GRID2: variants seen among roughly 807,000 people sequenced by gnomAD.
GRID2 encodes the protein glutamate receptor ionotropic, delta-2.
In GRID2, 33 loss-of-function variants were observed where a neutral mutation model predicts 114.8. The ratio of observed to expected loss-of-function variants is 0.29; its 90% confidence interval spans 0.22 to 0.38. The LOEUF is 0.38. Ranked by LOEUF, GRID2 falls within the 10% of genes least tolerant of loss-of-function variation. The pLI is 1.00. For missense variants in GRID2, 1,184 were observed against 1,257.7 expected, an observed-to-expected ratio of 0.94 and a Z score of 0.89; for synonymous variants, 505 against 449.9, an observed-to-expected ratio of 1.12 and a Z score of -1.55.
At chr4:93,292,379 T>G (rs1318451744) in intron 8 of GRID2, among the ~76,000 whole-genome samples, 1 of 152,080 alleles carries the variant, frequency 6.6e-6, no homozygotes, top group Non-Finnish European at 1.5e-5. Flanking sequence ...CAGGAGAAAT[T>G]TAGAGGTTTG....
chr4:92,585,379 A>G (rs1465571488), intron 1 of GRID2, among the ~76,000 whole-genome samples: 1 of 152,064 alleles, frequency 6.6e-6, no homozygotes, highest in Non-Finnish European at 1.5e-5. Flanking sequence ...AAGTGAGTAA[A>G]GAGATTAAAA....
chr4:92,316,758 A>G (rs775169756), intron 1 of GRID2, among the ~76,000 whole-genome samples: 10 of 152,168 alleles, frequency 6.6e-5, no homozygotes, highest in Non-Finnish European at 1.3e-4. Context: ...ATAGTAGCCT[A>G]AAGGTGCCAT....
At chr4:92,880,090 A>T (rs1479800435) in intron 2 of GRID2, among the ~76,000 whole-genome samples, 1 of 152,174 alleles carries the variant, frequency 6.6e-6, no homozygotes, top group Non-Finnish European at 1.5e-5. Context: ...CTAGGATGCA[A>T]ACAGGAAATC....
Position 93,649,595 on chromosome 4 carries a change from A to T in GRID2, c.2360+23160A>T, listed in dbSNP as rs183536438. Among the ~76,000 whole-genome samples, 115 of 152,304 alleles carry T rather than the reference A, an allele frequency of 7.6e-4. 1 individual carries two copies. Among genetic ancestry groups the T allele is most frequent in the Non-Finnish European group, 1.5e-3 (99 of 68,026 alleles). On this transcript the variant is annotated intron_variant, in intron 14 of 15. Coordinates refer to ENST00000282020, the MANE Select transcript of GRID2 (RefSeq NM_001510.4). The stretch of plus-strand genomic sequence containing the variant: ...CCCTGCATCACACCATAAAGTCTAT[A>T]GGTCTCTTGATAACTTAAAATCACA...
At chr4:93,007,292 T>C (rs1462635551) in intron 2 of GRID2, among the ~76,000 whole-genome samples, 2 of 152,070 alleles carry the variant, frequency 1.3e-5, no homozygotes, top group African/African-American at 4.8e-5. Context: ...AAGTCACATT[T>C]TGGTAATTCT....
chr4:92,999,894 CAGCT>C (rs1470957915), intron 2 of GRID2, among the ~76,000 whole-genome samples: 1 of 151,564 alleles, frequency 6.6e-6, no homozygotes, highest in African/African-American at 2.4e-5. Flanking sequence ...TTATTATTCT[CAGCT>C]AGATACGAAC....
chr4:92,646,090 C>G (rs1731603841), intron 2 of GRID2, among the ~76,000 whole-genome samples: 1 of 116,824 alleles, frequency 8.6e-6, no homozygotes, highest in South Asian at 2.9e-4. Context: ...TCGTACCACA[C>G]TCTTGGCATC....
chr4:93,456,942 A>G (rs182920403), intron 11 of GRID2, among the ~76,000 whole-genome samples: 3 of 152,202 alleles, frequency 2.0e-5, no homozygotes, highest in Non-Finnish European at 2.9e-5. Flanking sequence ...ACCCTTCCAT[A>G]TCCAGGGCTC....
intron 2 of GRID2, among the ~76,000 whole-genome samples, chr4:92,646,370 A>C (rs1161399603): frequency 6.6e-6 from 1 of 152,212 alleles, no homozygotes. Context: ...GTGTATTGTC[A>C]AATATATTAC....
intron 2 of GRID2, among the ~76,000 whole-genome samples, chr4:92,959,821 A>T (rs1752674718): frequency 1.3e-5 from 2 of 151,996 alleles, no homozygotes. Flanking sequence ...ACATGGACAC[A>T]GGGAGGGGAA....
At chr4:93,026,288 T>G (rs1454256359) in intron 2 of GRID2, among the ~76,000 whole-genome samples, 1 of 151,848 alleles carries the variant, frequency 6.6e-6, no homozygotes, top group Non-Finnish European at 1.5e-5. Context: ...TACATTGAGC[T>G]CATTATAAAA....
intron 13 of GRID2, among the ~76,000 whole-genome samples, chr4:93,622,932 T>A (rs987683293): frequency 2.6e-4 from 39 of 152,220 alleles, no homozygotes; most frequent in African/African-American, 9.4e-4. Flanking sequence ...AGTTTTTCTT[T>A]TCTTAAAACT....
At chr4:93,546,369 G>A (rs1733215871) in intron 13 of GRID2, among the ~76,000 whole-genome samples, 2 of 152,190 alleles carry the variant, frequency 1.3e-5, no homozygotes, top group South Asian at 4.1e-4. Context: ...ATTTGTGGAT[G>A]AGATACCCTG....
intron 4 of GRID2, among the ~76,000 whole-genome samples, chr4:93,180,746 T>C (rs2149435189): frequency 6.6e-6 from 1 of 152,304 alleles, no homozygotes; most frequent in South Asian, 2.1e-4. Flanking sequence ...CTTTTATTGC[T>C]CATTCACTAG....
At chr4:92,887,454 G>A (rs1304253076) in intron 2 of GRID2, among the ~76,000 whole-genome samples, 1 of 152,194 alleles carries the variant, frequency 6.6e-6, no homozygotes, top group East Asian at 1.9e-4. Flanking sequence ...TCTGGCCCCA[G>A]TACTTATGTG....
At chr4:93,398,296 G>A (rs67564772) in intron 9 of GRID2, among the ~76,000 whole-genome samples, 27,514 of 150,110 alleles carry the variant, frequency 0.18, 4,262 homozygotes, top group African/African-American at 0.43. Context: ...GCGATTCTAC[G>A]TGTGGTAACT....
At chr4:93,678,886 C>T (rs1252425924) in intron 14 of GRID2, among the ~76,000 whole-genome samples, 1 of 149,704 alleles carries the variant, frequency 6.7e-6, no homozygotes, top group African/African-American at 2.5e-5. Flanking sequence ...GCAAAATAAC[C>T]AGCTAACATC....
intron 8 of GRID2, among the ~76,000 whole-genome samples, chr4:93,281,195 G>T (rs1043284933): frequency 2.6e-5 from 4 of 151,844 alleles, no homozygotes; most frequent in African/African-American, 7.2e-5. Context: ...AGGCCTCAGA[G>T]AAAATATACA....
At chr4:92,366,830 G>A (rs553749042) in intron 1 of GRID2, among the ~76,000 whole-genome samples, 48 of 151,810 alleles carry the variant, frequency 3.2e-4, no homozygotes, top group African/African-American at 1.1e-3. Flanking sequence ...AATAAATGGG[G>A]GCATATCAAA....
Sources: allele counts gnomAD v4.1 joint callset (sites outside exome capture counted in the v4.1 genomes callset), GRCh38; gene constraint gnomAD v4.1.1; transcripts MANE v1.5; gene names NCBI Gene and HGNC (gene_info 2026-07-23, HGNC 2026-07-21).